FAT4: variants seen among roughly 807,000 people sequenced by gnomAD.
FAT4 encodes the protein protocadherin Fat 4.
FAT4 carries 84 observed loss-of-function variants against 303.9 expected under a neutral mutation model. The observed-to-expected ratio is 0.28, with a 90% CI of 0.23 to 0.33. The LOEUF (loss-of-function observed/expected upper bound fraction) is 0.33. FAT4 is among the 10% of genes least tolerant of loss of function. The pLI is 1.00. For synonymous variants in FAT4, 2,307 were observed against 2,298.8 expected, an observed-to-expected ratio of 1.00 and a Z score of -0.10; for missense variants, 6,005 against 6,146.8, an observed-to-expected ratio of 0.98 and a Z score of 0.77.
At position 125,320,770 on chromosome 4, in the gene FAT4, T is replaced by C. The variant is rs1175115554; in HGVS notation, c.4359T>C (p.Gly1453=). 1 of 1,614,032 alleles carries C rather than the reference T, an allele frequency of 6.2e-7. No individual in the cohort carries two copies. The highest frequency in any genetic ancestry group is 1.1e-5 in the South Asian group (1 of 91,086). Residue 1453 remains glycine, a synonymous_variant, in exon 2 of 18, where the codon GGT becomes GGC. Transcript: ENST00000394329. The part of the protein sequence containing the change: ...TAHDPDADIN[G]QLSYTIIQQM... ...ATGACCCTGATGCAGACATTAATGG[T>C]CAACTATCCTACACAATCATTCAAC... is the stretch of plus-strand genomic sequence containing the variant.
chr4:125,337,751 A>C (rs115536891), intron 2 of FAT4, among the ~76,000 whole-genome samples: 2,208 of 152,256 alleles, frequency 0.015, 55 homozygotes, highest in African/African-American at 0.051. Flanking sequence ...ACATAAAAAG[A>C]CTATTGAATT....
chr4:125,364,435 C>A (rs539081070), intron 2 of FAT4, among the ~76,000 whole-genome samples: 2 of 151,800 alleles, frequency 1.3e-5, no homozygotes, highest in South Asian at 4.2e-4. Flanking sequence ...TTATTAATAA[C>A]GTATTTTAAT....
intron 2 of FAT4, among the ~76,000 whole-genome samples, chr4:125,349,312 A>G (rs1017093081): frequency 2.6e-5 from 4 of 151,784 alleles, no homozygotes; most frequent in African/African-American, 9.7e-5. Flanking sequence ...CTATATTAAC[A>G]CATGTGTTAT....
At chr4:125,422,291 A>G (rs966824023) in intron 7 of FAT4, among the ~76,000 whole-genome samples, 14 of 152,210 alleles carry the variant, frequency 9.2e-5, no homozygotes, top group Admixed American at 8.5e-4. Flanking sequence ...TATGGTGCTA[A>G]TTTAATGCAC....
intron 10 of FAT4, among the ~76,000 whole-genome samples, chr4:125,455,105 T>C (rs1005341963): frequency 1.3e-5 from 2 of 152,204 alleles, no homozygotes; most frequent in Non-Finnish European, 2.9e-5. Flanking sequence ...ATCCCCAAAA[T>C]TACTTTATCG....
At chr4:125,478,572 C>A (rs1028242930) in intron 14 of FAT4, among the ~76,000 whole-genome samples, 13 of 152,092 alleles carry the variant, frequency 8.5e-5, no homozygotes, top group African/African-American at 3.1e-4. Context: ...TGTTCTGTCG[C>A]CCAGGCTGGA....
chr4:125,458,925 A>G (rs1210727123), intron 10 of FAT4, among the ~76,000 whole-genome samples: 7 of 152,032 alleles, frequency 4.6e-5, no homozygotes, highest in African/African-American at 1.7e-4. Context: ...ATAATGGGAA[A>G]CATTTGCATA....
At chr4:125,485,835 A>T (rs565392718) in intron 16 of FAT4, among the ~76,000 whole-genome samples, 1 of 152,310 alleles carries the variant, frequency 6.6e-6, no homozygotes, top group Admixed American at 6.5e-5. Flanking sequence ...GTGCTATGAC[A>T]TTACAATGGC....
At chr4:125,413,882 A>T (rs568284247) in intron 5 of FAT4, among the ~76,000 whole-genome samples, 2 of 152,102 alleles carry the variant, frequency 1.3e-5, no homozygotes, top group East Asian at 3.9e-4. Context: ...ATAGAAGCTA[A>T]TTGTAGGTAA....
At chr4:125,384,576 C>T (rs1509291) in intron 2 of FAT4, among the ~76,000 whole-genome samples, 144,890 of 152,152 alleles carry the variant, frequency 0.95, 69,369 homozygotes, top group East Asian at 1. Flanking sequence ...AGATATATGA[C>T]TTGCAAATGT....
chr4:125,448,407 A>G, intron 9 of FAT4, 54 bp from the exon 10 acceptor site: 3 of 1,502,412 alleles, frequency 2.0e-6, no homozygotes, highest in Non-Finnish European at 2.7e-6. Flanking sequence ...ATCTGCTACC[A>G]AATATTTTAT....
intron 16 of FAT4, among the ~76,000 whole-genome samples, chr4:125,484,672 A>T (rs778005182): frequency 7.9e-5 from 12 of 152,136 alleles, no homozygotes; most frequent in Non-Finnish European, 1.5e-5. Flanking sequence ...AGATGGTACA[A>T]CCTACTATAC....
At chr4:125,425,699 G>C (rs1427634303) in intron 7 of FAT4, among the ~76,000 whole-genome samples, 1 of 152,052 alleles carries the variant, frequency 6.6e-6, no homozygotes, top group Non-Finnish European at 1.5e-5. Flanking sequence ...TAGTTGGGCT[G>C]TATGTTTGCA....
In FAT4 at chr4:125,321,018, C is replaced by T. The variant is rs750537872; in HGVS notation, c.4607C>T (p.Ala1536Val). 1 of 1,614,180 alleles carries T rather than the reference C, an allele frequency of 6.2e-7. No individual in the cohort carries two copies. The highest frequency in any genetic ancestry group is 2.2e-5 in the East Asian group (1 of 44,882). ...VPMFISQNAL[A>V]ADPSAVIGSV... is the part of the protein sequence containing the mutation. ...ATGTTTATATCACAAAACGCCCTTG[C>T]TGCAGACCCATCAGCTGTGATTGGT... The change falls in exon 2 of 18, where the codon GCT (alanine) becomes GTT (valine). Residue 1536 changes from alanine (A) to valine (V), a missense_variant. Ala to Val is a moderately conservative substitution (Grantham distance 64). Coordinates refer to ENST00000394329, the MANE Select transcript of FAT4 (RefSeq NM_001291303.3).
chr4:125,327,953 TAGGC>T (rs1263351615), intron 2 of FAT4, among the ~76,000 whole-genome samples: 1 of 152,148 alleles, frequency 6.6e-6, no homozygotes, highest in Non-Finnish European at 1.5e-5. Flanking sequence ...GCAAACTGCA[TAGGC>T]CCTGAGGTGG....
At chr4:125,470,659 T>C (rs1726826849) in intron 12 of FAT4, among the ~76,000 whole-genome samples, 1 of 152,218 alleles carries the variant, frequency 6.6e-6, no homozygotes, top group South Asian at 2.1e-4. Context: ...CTCACCTCTC[T>C]CAGCCTTCAT....
Position 125,408,492 on chromosome 4 carries a change from A to T in FAT4, c.5618A>T (p.Asn1873Ile), listed in dbSNP as rs1411785427. 1.2e-6 allele frequency: 2 copies of T among 1,612,848 alleles called. No individual in the cohort carries two copies. Among genetic ancestry groups the T allele is most frequent in the Admixed American group, 1.7e-5 (1 of 59,932 alleles). ...ILATDDDSGV[N>I]GEITYIVNED... Reference sequence around the variant, plus strand: ...GCCACGGATGATGACTCTGGTGTGAATGGAGAAATTACATATATTGTGAAT... The same window carrying T: ...GCCACGGATGATGACTCTGGTGTGATTGGAGAAATTACATATATTGTGAAT... Residue 1873 changes from asparagine to isoleucine, a missense_variant, in exon 5 of 18, where the codon AAT (asparagine) becomes ATT (isoleucine). Asn to Ile is a moderately radical substitution (Grantham distance 149). Coordinates refer to ENST00000394329, the MANE Select transcript of FAT4 (RefSeq NM_001291303.3).
Position 125,476,270 on chromosome 4 carries a change from T to A in FAT4, c.12299+14T>A. 6.9e-7 allele frequency: 1 copy of A among 1,444,214 alleles called. No homozygotes were observed. The highest frequency in any genetic ancestry group is 1.4e-5 in the African/African-American group (1 of 70,020). 89.5% of individuals were successfully genotyped at this position (1,444,214 alleles called of 1,614,324 possible). On this transcript the variant is annotated intron_variant, in intron 13 of 17. Coordinates refer to ENST00000394329, the MANE Select transcript of FAT4 (RefSeq NM_001291303.3). ...TTCAGATGACTGGTAAGGAATAGGATTAGTTTAATTTTTATTATTACTTAA... is the reference window on the plus strand; with the variant it reads ...TTCAGATGACTGGTAAGGAATAGGAATAGTTTAATTTTTATTATTACTTAA...
chr4:125,444,171 T>G (rs1037006455), intron 8 of FAT4, among the ~76,000 whole-genome samples: 1 of 152,194 alleles, frequency 6.6e-6, no homozygotes, highest in African/African-American at 2.4e-5. Context: ...TGTTTTGTGC[T>G]GCTATAGCTA....
Sources: gnomAD v4.1 joint callset for allele counts (sites outside exome capture counted in the v4.1 genomes callset) on GRCh38, gnomAD v4.1.1 for gene constraint, MANE v1.5 for transcripts, NCBI Gene and HGNC (gene_info 2026-07-23, HGNC 2026-07-21) for gene names.